The following GRIK1 variants were observed in gnomAD, a reference collection of about 807,000 sequenced individuals.
GRIK1 encodes the protein glutamate ionotropic receptor kainate type subunit 1, also known as glutamate receptor ionotropic, kainate 1.
In GRIK1, 69 loss-of-function variants were observed where a neutral mutation model predicts 105.7. That is an observed-to-expected ratio of 0.65 (90% confidence interval 0.54 to 0.80). GRIK1 has a LOEUF of 0.80. Among genes scored for constraint, GRIK1 ranks in the 30% least tolerant of loss-of-function variants. The probability of loss-of-function intolerance (pLI) is 0.00; values close to 1 mark genes in which losing one functional copy is unlikely to be tolerated. For missense variants in GRIK1, 1,109 were observed against 1,167.3 expected (o/e 0.95, Z 0.73); for synonymous variants, 438 against 431.3 (o/e 1.02, Z -0.19).
chr21:29,818,675 T>C (rs1445757698), intron 1 of GRIK1, among the ~76,000 whole-genome samples: 1 of 152,074 alleles, frequency 6.6e-6, no homozygotes, highest in East Asian at 1.9e-4. Flanking sequence ...TCAGTATCTA[T>C]TTGTAATTCA....
chr21:29,749,076 C>T (rs570758412), intron 1 of GRIK1: 3 of 152,306 alleles, frequency 2.0e-5, no homozygotes, highest in Non-Finnish European at 4.4e-5. Flanking sequence ...CCTGCAACAT[C>T]TTAGCTTCAG....
At chr21:29,540,179 T>G (rs887455625) in intron 16 of GRIK1, among the ~76,000 whole-genome samples, 1 of 152,176 alleles carries the variant, frequency 6.6e-6, no homozygotes, top group Non-Finnish European at 1.5e-5. Context: ...CCTGACAATC[T>G]GTTTCAACTA....
intron 7 of GRIK1, among the ~76,000 whole-genome samples, chr21:29,640,107 AT>A (rs11342979): frequency 0.051 from 7,270 of 141,338 alleles, 455 homozygotes; most frequent in African/African-American, 0.15. Context: ...GCTTCTTTTC[AT>A]TTTTTTTTTT....
At chr21:29,870,610 C>T (rs2068974285) in intron 1 of GRIK1, among the ~76,000 whole-genome samples, 2 of 151,946 alleles carry the variant, frequency 1.3e-5, no homozygotes, top group Non-Finnish European at 1.5e-5. Flanking sequence ...AAGCAATCAG[C>T]AAATTTCTGT....
intron 7 of GRIK1, among the ~76,000 whole-genome samples, chr21:29,620,759 G>T (rs1183888192): frequency 1.5e-5 from 2 of 131,450 alleles, no homozygotes; most frequent in African/African-American, 3.1e-5. Context: ...TTACATAAAT[G>T]GTATGAAAGT....
rs552559673 is a variant in GRIK1 at position 29,723,983 on chromosome 21, C to G, written c.119-29920G>C. Among the ~76,000 whole-genome samples the G allele has an allele frequency of 5.3e-4, 80 of 152,214 alleles. 2 individuals carry two copies. In the Middle Eastern group the frequency reaches 0.01, roughly 19 times the overall value. ...TATCCTGCACTTTCCATTCATGAAC[C>G]AATGTAATCAACAAGAACATTAGCC... On this transcript the variant is annotated intron_variant, in intron 1 of 17. Coordinates refer to ENST00000327783, the MANE Select transcript of GRIK1 (RefSeq NM_001330994.2).
At chr21:29,619,184 G>T (rs1377448982) in intron 7 of GRIK1, among the ~76,000 whole-genome samples, 4 of 138,172 alleles carry the variant, frequency 2.9e-5, no homozygotes, top group African/African-American at 1.1e-4. Context: ...CACGCCTGTA[G>T]TCCCAGCACT....
In GRIK1 at chr21:29,822,981, A is replaced by G. The variant is rs573735563; in HGVS notation, c.118+116402T>C. Among the ~76,000 whole-genome samples, 136 of 152,080 alleles carry G rather than the reference A, an allele frequency of 8.9e-4. 2 individuals carry two copies. The highest frequency in any genetic ancestry group is 1.2e-3 in the Non-Finnish European group (83 of 67,936). Reference sequence around the variant, plus strand: ...TGAGAAGGGGCTGGGACCTCAGAAAAGGGCATGGAACTTGACATTGTAAAA... The same window carrying G: ...TGAGAAGGGGCTGGGACCTCAGAAAGGGGCATGGAACTTGACATTGTAAAA... On this transcript the variant is annotated intron_variant, in intron 1 of 17. Coordinates refer to ENST00000327783, the MANE Select transcript of GRIK1 (RefSeq NM_001330994.2).
intron 1 of GRIK1, among the ~76,000 whole-genome samples, chr21:29,924,067 C>T (rs578081072): frequency 5.9e-5 from 9 of 152,156 alleles, no homozygotes; most frequent in South Asian, 4.1e-4. Flanking sequence ...AGGCCGGGCG[C>T]GGTGGCTCAT....
intron 16 of GRIK1, among the ~76,000 whole-genome samples, chr21:29,545,203 CAG>C (rs1189252492): frequency 6.6e-6 from 1 of 152,226 alleles, no homozygotes; most frequent in Non-Finnish European, 1.5e-5. Context: ...GAGCAGAGAA[CAG>C]AGAGATATTC....
intron 1 of GRIK1, among the ~76,000 whole-genome samples, chr21:29,844,499 A>T (rs1297313310): frequency 6.6e-6 from 1 of 152,232 alleles, no homozygotes; most frequent in Non-Finnish European, 1.5e-5. Context: ...CTGAAGTGAA[A>T]CTACAGGAAT....
intron 1 of GRIK1, among the ~76,000 whole-genome samples, chr21:29,937,917 T>C (rs1410480844): frequency 6.6e-6 from 1 of 152,092 alleles, no homozygotes; most frequent in East Asian, 1.9e-4. Context: ...AAGTTTTTTT[T>C]TAAAAAAATA....
At chr21:29,826,792 A>G (rs913435025) in intron 1 of GRIK1, among the ~76,000 whole-genome samples, 2 of 152,144 alleles carry the variant, frequency 1.3e-5, no homozygotes, top group Non-Finnish European at 2.9e-5. Context: ...GAACACTAAC[A>G]GAGGGTTACT....
chr21:29,730,025 T>C (rs1367971292), intron 1 of GRIK1, among the ~76,000 whole-genome samples: 1 of 152,234 alleles, frequency 6.6e-6, no homozygotes, highest in Non-Finnish European at 1.5e-5. Context: ...TCATAATCAC[T>C]ACATTTTCCC....
At chr21:29,777,225 G>A (rs1443593927) in intron 1 of GRIK1, among the ~76,000 whole-genome samples, 1 of 152,172 alleles carries the variant, frequency 6.6e-6, no homozygotes, top group African/African-American at 2.4e-5. Flanking sequence ...AGGGAAGTGG[G>A]TCAAACTTCA....
At chr21:29,778,341 A>T (rs1011588230) in intron 1 of GRIK1, among the ~76,000 whole-genome samples, 5 of 152,172 alleles carry the variant, frequency 3.3e-5, no homozygotes, top group Non-Finnish European at 7.3e-5. Context: ...CATTTTTCCA[A>T]TTTTTGCAAA....
intron 1 of GRIK1, among the ~76,000 whole-genome samples, chr21:29,912,720 AG>A (rs1216057893): frequency 6.6e-6 from 1 of 152,070 alleles, no homozygotes. Context: ...GTAGACTCAC[AG>A]GGTATATTTG....
chr21:29,858,964 ATTTAT>A (rs2068549653), intron 1 of GRIK1, among the ~76,000 whole-genome samples: 1 of 149,134 alleles, frequency 6.7e-6, no homozygotes. Flanking sequence ...TTTTTGTAGA[ATTTAT>A]GTTGTATCAC....
intron 1 of GRIK1, among the ~76,000 whole-genome samples, chr21:29,852,493 C>T (rs912757622): frequency 8.5e-5 from 13 of 152,188 alleles, no homozygotes; most frequent in African/African-American, 3.1e-4. Context: ...CCACTTCCTA[C>T]CTCCATTCTC....
Sources: allele counts gnomAD v4.1 joint callset (sites outside exome capture counted in the v4.1 genomes callset), GRCh38; gene constraint gnomAD v4.1.1; transcripts MANE v1.5; gene names NCBI Gene and HGNC (gene_info 2026-07-23, HGNC 2026-07-21).